The following PIWIL1 variants were observed in gnomAD, a reference collection of about 807,000 sequenced individuals.
PIWIL1 encodes piwi like RNA-mediated gene silencing 1, also known as piwi-like protein 1.
A neutral mutation model predicts 114.4 loss-of-function variants in PIWIL1; 73 were observed. That is an observed-to-expected ratio of 0.64 (90% confidence interval 0.53 to 0.78). The LOEUF is 0.78. Among genes scored for constraint, PIWIL1 ranks in the 30% least tolerant of loss-of-function variants. The pLI is 0.00. For synonymous variants in PIWIL1, 375 were observed against 369.0 expected (o/e 1.02, Z -0.19); for missense variants, 723 against 1,063.1 (o/e 0.68, Z 4.45).
At chr12:130,341,046 C>T (rs2072906164) in intron 1 of PIWIL1, among the ~76,000 whole-genome samples, 2 of 152,240 alleles carry the variant, frequency 1.3e-5, no homozygotes, top group South Asian at 4.1e-4. Flanking sequence ...ATTTTAGAAG[C>T]TGTTAAAACT....
Position 130,371,657 on chromosome 12 carries a change from C to A in PIWIL1, c.*59C>A. 1 of 1,042,328 alleles carries A rather than the reference C, an allele frequency of 9.6e-7. No homozygotes were observed. Among genetic ancestry groups the A allele is most frequent in the Non-Finnish European group, 1.4e-6 (1 of 693,904 alleles). The allele number at this position is 1,042,328 out of a possible 1,614,324, so 64.6% of individuals were successfully genotyped here. A position where few individuals can be genotyped will look rare whatever the true frequency, so the allele number is the denominator to read the frequency against. On this transcript the variant is annotated 3_prime_UTR_variant, in exon 21 of 21. Coordinates refer to ENST00000245255, the MANE Select transcript of PIWIL1 (RefSeq NM_004764.5). ...GAAATGACTTTGGGATTTTTTTAAG[C>A]TTTTATTTACTTTTTTTTTAACTGT...
At chr12:130,373,020 A>G (rs7974265), downstream of PIWIL1, among the ~76,000 whole-genome samples, 151,663 of 152,354 alleles carry the variant, frequency 1, 75,489 homozygotes, top group East Asian at 1. Flanking sequence ...TCTCATTCTG[A>G]ATTTAGCCTC....
In PIWIL1 at chr12:130,346,426, C is replaced by A; in HGVS notation, c.373C>A (p.Pro125Thr). 6.2e-7 allele frequency: 1 copy of A among 1,614,096 alleles called. No homozygotes were observed. Among genetic ancestry groups the A allele is most frequent in the Non-Finnish European group, 8.5e-7 (1 of 1,179,936 alleles). Residue 125 changes from proline to threonine, a missense_variant, in exon 5 of 21, where the codon CCC (proline) becomes ACC (threonine). Pro to Thr is a conservative substitution (Grantham distance 38, BLOSUM62 -1). Around this residue, in one of 8 missense-constraint regions of PIWIL1, gnomAD observed 190 missense variants for 294.4 expected, o/e 0.65. Coordinates refer to ENST00000245255, the MANE Select transcript of PIWIL1 (RefSeq NM_004764.5). The part of the protein sequence containing the change: ...STNHFRLTSR[P>T]QWALYQYHID... ...TAACCATTTCCGGCTGACATCCCGT[C>A]CCCAGTGGGCCTTATATCAGTATCA...
intron 9 of PIWIL1, among the ~76,000 whole-genome samples, chr12:130,352,551 T>C (rs1028963037): frequency 4.6e-5 from 7 of 152,114 alleles, no homozygotes; most frequent in Non-Finnish European, 7.4e-5. Context: ...TGGTGGCATA[T>C]GCCTGTAATT....
the PIWIL1 span, among the ~76,000 whole-genome samples, chr12:130,415,872 A>T: frequency 2.0e-4 from 30 of 152,224 alleles, 1 homozygote; most frequent in African/African-American, 6.5e-4. Flanking sequence ...ATACAAAATC[A>T]ATGTATAAAA....
chr12:130,372,597 C>CAAAAAAAAAAAAAAAAAAAAAAAA (rs60262232), exon 21 of PIWIL1: 1 of 67,882 alleles, frequency 1.5e-5, no homozygotes, highest in African/African-American at 6.9e-5. Flanking sequence ...GACTCCGTCT[C>CAAAAAAAAAAAAAAAAAAAAAAAA]AAAAAAAAAA....
chr12:130,358,747 C>T (rs992897749), intron 14 of PIWIL1, among the ~76,000 whole-genome samples: 3 of 152,152 alleles, frequency 2.0e-5, no homozygotes, highest in Non-Finnish European at 4.4e-5. Flanking sequence ...GTTTGTCCAG[C>T]TTTCTATAAA....
rs1373842975 is a variant in PIWIL1 at position 130,348,147 on chromosome 12, A to T, written c.698A>T (p.Tyr233Phe). ...TTGCAACAAATTGGACGAAATTATT[A>T]TAACCCAAATGACCCAATTGATATT... is the stretch of plus-strand genomic sequence containing the variant. ...MNLQQIGRNY[Y>F]NPNDPIDIPS... Residue 233 changes from tyrosine to phenylalanine, a missense_variant, in exon 7 of 21, where the codon TAT (tyrosine) becomes TTT (phenylalanine). By Grantham distance (22) the Tyr-to-Phe change is conservative. This residue lies in a region of PIWIL1 where 190 missense variants were observed against 294.4 expected (regional missense o/e 0.65). Coordinates refer to ENST00000245255, the MANE Select transcript of PIWIL1 (RefSeq NM_004764.5). 1 of 1,609,036 alleles carries T rather than the reference A, an allele frequency of 6.2e-7. No homozygotes were observed.
the PIWIL1 span, among the ~76,000 whole-genome samples, chr12:130,391,419 G>A: frequency 1.3e-5 from 2 of 152,222 alleles, no homozygotes; most frequent in Admixed American, 6.5e-5. Context: ...ATTAGAGGCA[G>A]CTGTTTTGGT....
intron 12 of PIWIL1, 88 bp downstream of exon 12, chr12:130,355,755 A>C: frequency 3.3e-5 from 29 of 890,920 alleles, no homozygotes; most frequent in Non-Finnish European, 4.9e-5. Context: ...GTGCAATCTC[A>C]GCTCACTGCA....
chr12:130,393,935 T>C, the PIWIL1 span, among the ~76,000 whole-genome samples: 2 of 152,254 alleles, frequency 1.3e-5, no homozygotes, highest in African/African-American at 4.8e-5. Context: ...AAATTTTGCA[T>C]TATTAGTTTT....
chr12:130,424,048 C>G, the PIWIL1 span: 399 of 642,832 alleles, frequency 6.2e-4, 2 homozygotes, highest in African/African-American at 7.0e-3. The surrounding 1 kb of genome is among the most constrained non-coding windows in gnomAD (Gnocchi z 9.8). Flanking sequence ...AGAGAGTCCC[C>G]AGGGATGGAC....
chr12:130,422,607 G>A, the PIWIL1 span: 6 of 1,356,070 alleles, frequency 4.4e-6, no homozygotes, highest in Non-Finnish European at 6.2e-6. The surrounding 1 kb of genome is among the most constrained non-coding windows in gnomAD (Gnocchi z 5.2). Flanking sequence ...CCAGCATTGG[G>A]AACTGAAGAA....
the PIWIL1 span, among the ~76,000 whole-genome samples, chr12:130,400,193 A>G: frequency 1.3e-5 from 2 of 152,260 alleles, no homozygotes; most frequent in Non-Finnish European, 2.9e-5. Context: ...CGCTCAGCAC[A>G]CCAGCCCAGA....
chr12:130,344,018 G>A (rs979223535), intron 3 of PIWIL1, among the ~76,000 whole-genome samples: 4 of 152,188 alleles, frequency 2.6e-5, no homozygotes, highest in African/African-American at 9.7e-5. Flanking sequence ...GGGGGAATTA[G>A]CAAGGTTCCC....
At chr12:130,383,201 C>T in the PIWIL1 span, among the ~76,000 whole-genome samples, 2 of 152,128 alleles carry the variant, frequency 1.3e-5, no homozygotes, top group African/African-American at 2.4e-5. Context: ...GTACAAATTG[C>T]GTTCCACCAG....
intron 4 of PIWIL1, 102 bp from the exon 5 acceptor site, chr12:130,346,268 G>A (rs969796942): frequency 5.1e-5 from 42 of 816,036 alleles, no homozygotes; most frequent in Non-Finnish European, 7.7e-5. Context: ...GCTGCTCTTA[G>A]CCTTGTGTTT....
chr12:130,361,143 C>T (rs2073497721), intron 14 of PIWIL1, 37 bp from the exon 15 acceptor site: 1 of 1,594,446 alleles, frequency 6.3e-7, no homozygotes, highest in Non-Finnish European at 8.6e-7. Context: ...AATCATCTGT[C>T]TCCTAATTCT....
At chr12:130,393,450 GTCACT>G in the PIWIL1 span, among the ~76,000 whole-genome samples, 1 of 107,668 alleles carries the variant, frequency 9.3e-6, no homozygotes, top group Non-Finnish European at 2.0e-5. Context: ...TGATGACCCG[GTCACT>G]GTCATCACGT....
Sources: allele counts gnomAD v4.1 joint callset (sites outside exome capture counted in the v4.1 genomes callset), GRCh38; gene constraint gnomAD v4.1.1; regional missense constraint gnomAD v4.1.1; non-coding constraint Gnocchi (gnomAD v3.1); transcripts MANE v1.5; gene names NCBI Gene and HGNC (gene_info 2026-07-23, HGNC 2026-07-21).